UGT1A10: variants seen among roughly 807,000 people sequenced by gnomAD.
UGT1A10 encodes UDP glucuronosyltransferase family 1 member A10.
In UGT1A10, 49 loss-of-function variants were observed where a neutral mutation model predicts 45.8. That is an observed-to-expected ratio of 1.07 (90% CI 0.85 to 1.36). UGT1A10 has a LOEUF of 1.36. UGT1A10 is among the 40% of genes most tolerant of loss of function. The pLI is 0.00. For synonymous variants in UGT1A10, 284 were observed against 249.7 expected (o/e 1.14, Z -1.29); for missense variants, 745 against 668.6 (o/e 1.11, Z -1.26).
chr2:233,750,987 C>A (rs140441181), intron 1 of UGT1A10, among the ~76,000 whole-genome samples: 5 of 151,730 alleles, frequency 3.3e-5, no homozygotes, highest in African/African-American at 1.2e-4. Context: ...TGTGAGAAGG[C>A]GGCCACCATC....
At chr2:233,697,767 G>T (rs2075409769) in intron 1 of UGT1A10, among the ~76,000 whole-genome samples, 1 of 151,840 alleles carries the variant, frequency 6.6e-6, no homozygotes, top group Non-Finnish European at 1.5e-5. Flanking sequence ...TTGATACATT[G>T]TGTTTCCATT....
intron 1 of UGT1A10, among the ~76,000 whole-genome samples, chr2:233,651,585 G>T (rs1287452404): frequency 2.6e-5 from 4 of 152,206 alleles, no homozygotes; most frequent in Non-Finnish European, 5.9e-5. Context: ...TTGACAAAGA[G>T]CCTTGGTTAC....
At chr2:233,679,411 G>T (rs1347340983) in intron 1 of UGT1A10, among the ~76,000 whole-genome samples, 2 of 152,186 alleles carry the variant, frequency 1.3e-5, no homozygotes, top group African/African-American at 4.8e-5. Context: ...AGGTTTGGCA[G>T]TTCTACTGAT....
At chr2:233,703,741 A>T (rs750390078) in intron 1 of UGT1A10, among the ~76,000 whole-genome samples, 22 of 152,044 alleles carry the variant, frequency 1.4e-4, no homozygotes, top group Non-Finnish European at 2.9e-4. Flanking sequence ...TTTTGTTTTT[A>T]AATCTCAAAT....
At chr2:233,697,107 A>G (rs989026707) in intron 1 of UGT1A10, among the ~76,000 whole-genome samples, 1 of 152,102 alleles carries the variant, frequency 6.6e-6, no homozygotes, top group African/African-American at 2.4e-5. Flanking sequence ...TGAGTTTGGA[A>G]GTATTCTCTC....
chr2:233,699,210 GA>G (rs1003409179), intron 1 of UGT1A10, among the ~76,000 whole-genome samples: 1 of 149,904 alleles, frequency 6.7e-6, no homozygotes, highest in Non-Finnish European at 1.5e-5. Context: ...GCTGTTGCAT[GA>G]AAAAAAAACA....
intron 1 of UGT1A10, among the ~76,000 whole-genome samples, chr2:233,655,808 A>G (rs1302370369): frequency 6.6e-6 from 1 of 152,172 alleles, no homozygotes; most frequent in Non-Finnish European, 1.5e-5. Context: ...AGCCCCAGCC[A>G]TTCTCTTAAC....
chr2:233,713,502 T>C lies in UGT1A10; in HGVS notation c.856-53532T>C. The C allele has an allele frequency of 6.2e-7, 1 of 1,613,988 alleles. No homozygotes were observed. The highest frequency in any genetic ancestry group is 8.5e-7 in the Non-Finnish European group (1 of 1,179,898). On this transcript the variant is annotated intron_variant, in intron 1 of 4. Coordinates refer to ENST00000344644, the MANE Select transcript of UGT1A10 (RefSeq NM_019075.4). ...TAAGTACCTGTCGATTCCTGCTGTG[T>C]TTTTCTTGAGGAACATTCCATGTGA...
At chr2:233,668,105 T>A (rs192564367) in intron 1 of UGT1A10, among the ~76,000 whole-genome samples, 51 of 152,226 alleles carry the variant, frequency 3.4e-4, no homozygotes, top group Admixed American at 2.4e-3. Context: ...GTGCACAACA[T>A]GCAGGTTTGT....
intron 1 of UGT1A10, chr2:233,671,833 C>A: frequency 6.9e-7 from 1 of 1,456,722 alleles, no homozygotes; most frequent in South Asian, 1.6e-5. Context: ...AGGATAAAAA[C>A]ACGCCCTCTA....
chr2:233,639,377 A>G (rs972095197), intron 1 of UGT1A10, among the ~76,000 whole-genome samples: 10 of 152,232 alleles, frequency 6.6e-5, no homozygotes, highest in African/African-American at 2.4e-4. Context: ...CTTTCTGTCA[A>G]AGAGCCTTGG....
At chr2:233,664,913 G>C (rs2074042197) in intron 1 of UGT1A10, among the ~76,000 whole-genome samples, 1 of 152,120 alleles carries the variant, frequency 6.6e-6, no homozygotes, top group Non-Finnish European at 1.5e-5. Flanking sequence ...TATAATTGTA[G>C]ATCATATCCA....
intron 1 of UGT1A10, among the ~76,000 whole-genome samples, chr2:233,665,126 A>G (rs1415230566): frequency 6.6e-6 from 1 of 152,200 alleles, no homozygotes; most frequent in East Asian, 1.9e-4. Context: ...ACCAGGCTGG[A>G]CATATTGTTC....
chr2:233,704,566 C>T (rs1174426546), intron 1 of UGT1A10, among the ~76,000 whole-genome samples: 1 of 152,028 alleles, frequency 6.6e-6, no homozygotes, highest in Non-Finnish European at 1.5e-5. Flanking sequence ...TATAAATACA[C>T]ATGCTTTCAA....
intron 1 of UGT1A10, among the ~76,000 whole-genome samples, chr2:233,765,612 G>T (rs1698887269): frequency 2.0e-5 from 3 of 151,940 alleles, no homozygotes; most frequent in Admixed American, 6.6e-5. Flanking sequence ...GTGGCGGGGT[G>T]AGGGGTGAGG....
At chr2:233,695,898 T>G (rs1241404819) in intron 1 of UGT1A10, among the ~76,000 whole-genome samples, 1 of 152,148 alleles carries the variant, frequency 6.6e-6, no homozygotes, top group East Asian at 1.9e-4. Flanking sequence ...AACAAATGTG[T>G]GGGGTTTTTT....
Position 233,739,281 on chromosome 2 carries a change from G to C in UGT1A10, c.856-27753G>C, listed in dbSNP as rs576910081. Among the ~76,000 whole-genome samples the C allele has an allele frequency of 5.3e-5, 8 of 152,344 alleles. 1 individual carries two copies. The South Asian group carries it at 1.7e-3, about 32-fold the overall frequency. On this transcript the variant is annotated intron_variant, in intron 1 of 4. Transcript: ENST00000344644. ...AATGTGAGGTTGGAGCCCCCACACA[G>C]AGTCTCCACTGGGGCACTGCCTAGT...
At chr2:233,639,756 C>T (rs983467932) in intron 1 of UGT1A10, among the ~76,000 whole-genome samples, 1 of 152,142 alleles carries the variant, frequency 6.6e-6, no homozygotes, top group Non-Finnish European at 1.5e-5. Flanking sequence ...TGGCAGATGG[C>T]CCCATCTCCA....
intron 1 of UGT1A10, among the ~76,000 whole-genome samples, chr2:233,700,750 T>C (rs535938067): frequency 6.2e-4 from 94 of 152,228 alleles, no homozygotes; most frequent in Non-Finnish European, 9.3e-4. Flanking sequence ...ACTTTAAGTT[T>C]TAGGGTACAT....
Sources: gnomAD v4.1 joint callset for allele counts (sites outside exome capture counted in the v4.1 genomes callset) on GRCh38, gnomAD v4.1.1 for gene constraint, MANE v1.5 for transcripts, NCBI Gene and HGNC (gene_info 2026-07-23, HGNC 2026-07-21) for gene names.